The following GRM5 variants were observed in gnomAD, a reference collection of about 807,000 sequenced individuals.
GRM5 encodes the protein metabotropic glutamate receptor 5.
Under a neutral mutation model 83.1 loss-of-function variants are expected in GRM5, and 19 were observed. The ratio of observed to expected loss-of-function variants is 0.23; its 90% CI spans 0.16 to 0.34. The LOEUF (loss-of-function observed/expected upper bound fraction) is 0.34, where lower values mean the gene tolerates loss of function less well. GRM5 is among the 10% of genes least tolerant of loss of function. The probability of loss-of-function intolerance (pLI) is 1.00; values close to 1 mark genes in which losing one functional copy is unlikely to be tolerated. For missense variants in GRM5, 1,160 were observed against 1,588.3 expected (o/e 0.73, Z 4.58); for synonymous variants, 675 against 633.6 (o/e 1.07, Z -0.98).
chr11:88,720,011 G>A (rs1318231139), intron 3 of GRM5, among the ~76,000 whole-genome samples: 1 of 151,968 alleles, frequency 6.6e-6, no homozygotes, highest in African/African-American at 2.4e-5. Flanking sequence ...CCATTCTGTA[G>A]CTTGTCTGTT....
intron 2 of GRM5, among the ~76,000 whole-genome samples, chr11:88,954,534 C>T (rs1177742466): frequency 6.6e-6 from 1 of 152,202 alleles, no homozygotes. Context: ...GAGCCCAGCA[C>T]TGCTCAATAG....
intron 2 of GRM5, among the ~76,000 whole-genome samples, chr11:88,930,142 C>T (rs1937656852): frequency 6.6e-6 from 1 of 151,932 alleles, no homozygotes; most frequent in Non-Finnish European, 1.5e-5. Flanking sequence ...GTGCTGGGTG[C>T]AGTGACCTGT....
At chr11:88,844,689 A>T (rs1158635451) in intron 3 of GRM5, among the ~76,000 whole-genome samples, 1 of 152,230 alleles carries the variant, frequency 6.6e-6, no homozygotes, top group Non-Finnish European at 1.5e-5. Flanking sequence ...TGTCATTAAG[A>T]ACATTCATGA....
intron 3 of GRM5, among the ~76,000 whole-genome samples, chr11:88,831,378 C>G (rs905752838): frequency 2.0e-5 from 3 of 152,198 alleles, no homozygotes; most frequent in Non-Finnish European, 4.4e-5. Context: ...GAACTCCCAG[C>G]CTCCTGCCTA....
intron 2 of GRM5, among the ~76,000 whole-genome samples, chr11:88,920,390 G>C (rs1227699122): frequency 7.5e-6 from 1 of 133,318 alleles, no homozygotes; most frequent in East Asian, 2.2e-4. Flanking sequence ...GAAGATTAAA[G>C]TCATAAGAAA....
chr11:88,700,125 T>C (rs1940994897), intron 3 of GRM5, among the ~76,000 whole-genome samples: 1 of 152,140 alleles, frequency 6.6e-6, no homozygotes, highest in South Asian at 2.1e-4. Flanking sequence ...GCTGATTGAT[T>C]AGGAAAGGCC....
intron 2 of GRM5, among the ~76,000 whole-genome samples, chr11:88,977,869 A>C (rs1253522806): frequency 6.6e-6 from 1 of 152,228 alleles, no homozygotes; most frequent in Non-Finnish European, 1.5e-5. Context: ...TGGTAAATAT[A>C]GGTAGAGAGA....
intron 8 of GRM5, among the ~76,000 whole-genome samples, chr11:88,547,626 C>T (rs1255777691): frequency 6.6e-6 from 1 of 152,064 alleles, no homozygotes; most frequent in Admixed American, 6.6e-5. Flanking sequence ...ATACCTGATT[C>T]CATCTTTTCA....
chr11:88,869,813 TA>T (rs1222091033), intron 2 of GRM5, among the ~76,000 whole-genome samples: 1 of 151,460 alleles, frequency 6.6e-6, no homozygotes, highest in Non-Finnish European at 1.5e-5. Flanking sequence ...AATGCCTCTA[TA>T]AAAAAGAGGG....
intron 7 of GRM5, among the ~76,000 whole-genome samples, chr11:88,571,282 A>G (rs1358747746): frequency 6.6e-6 from 1 of 152,252 alleles, no homozygotes; most frequent in Non-Finnish European, 1.5e-5. Context: ...TTAAAAATGT[A>G]CATGAGGCTT....
chr11:88,844,628 A>T (rs1944266920), intron 3 of GRM5, among the ~76,000 whole-genome samples: 1 of 152,212 alleles, frequency 6.6e-6, no homozygotes, highest in South Asian at 2.1e-4. Flanking sequence ...CCTCAGATGG[A>T]TATGGGCAAA....
intron 3 of GRM5, among the ~76,000 whole-genome samples, chr11:88,782,108 A>G (rs987115791): frequency 1.3e-5 from 2 of 151,972 alleles, no homozygotes; most frequent in African/African-American, 2.4e-5. Flanking sequence ...TATATTATTA[A>G]ATCTAATTTT....
At chr11:88,860,386 C>A (rs1256330706) in intron 2 of GRM5, among the ~76,000 whole-genome samples, 1 of 152,074 alleles carries the variant, frequency 6.6e-6, no homozygotes, top group African/African-American at 2.4e-5. Flanking sequence ...ATTCCATTTC[C>A]ACAGAAAGGA....
At chr11:89,041,726 GA>G (rs1179065121) in intron 2 of GRM5, among the ~76,000 whole-genome samples, 1 of 152,152 alleles carries the variant, frequency 6.6e-6, no homozygotes, top group African/African-American at 2.4e-5. Context: ...ATATGAATAT[GA>G]AAAACTGTTT....
At chr11:88,849,190 A>C (rs1944348761) in intron 3 of GRM5, among the ~76,000 whole-genome samples, 2 of 152,004 alleles carry the variant, frequency 1.3e-5, no homozygotes, top group African/African-American at 4.8e-5. Context: ...CACACACACA[A>C]ATTTATACAT....
intron 2 of GRM5, among the ~76,000 whole-genome samples, chr11:89,030,101 T>A (rs1941226848): frequency 6.6e-6 from 1 of 152,162 alleles, no homozygotes; most frequent in African/African-American, 2.4e-5. Flanking sequence ...AGAATTCATC[T>A]TTTTTCAAAA....
intron 4 of GRM5, among the ~76,000 whole-genome samples, chr11:88,652,286 C>G (rs1565172502): frequency 2.7e-5 from 4 of 150,188 alleles, no homozygotes; most frequent in African/African-American, 9.8e-5. Flanking sequence ...AAGTCAGTTC[C>G]AAAAAAAAAT....
intron 3 of GRM5, among the ~76,000 whole-genome samples, chr11:88,673,300 G>C (rs1231064590): frequency 6.6e-6 from 1 of 151,886 alleles, no homozygotes; most frequent in Non-Finnish European, 1.5e-5. Context: ...GCAGGGTTTT[G>C]TGACTAATAT....
chr11:88,746,468 A>C (rs151337688), intron 3 of GRM5, among the ~76,000 whole-genome samples: 154 of 152,196 alleles, frequency 1.0e-3, no homozygotes, highest in Middle Eastern at 3.4e-3. Context: ...CCCAGATATC[A>C]TATACAAACA....
Sources: allele counts gnomAD v4.1 joint callset (sites outside exome capture counted in the v4.1 genomes callset), GRCh38; gene constraint gnomAD v4.1.1; transcripts MANE v1.5; gene names NCBI Gene and HGNC (gene_info 2026-07-23, HGNC 2026-07-21).